Variants in SMG7 observed in about 807,000 individuals in gnomAD.
SMG7 encodes the protein SMG7 nonsense mediated mRNA decay factor.
Under a neutral mutation model 148.2 loss-of-function variants are expected in SMG7, and 34 were observed. The ratio of observed to expected loss-of-function variants is 0.23; its 90% CI spans 0.17 to 0.31. The LOEUF (loss-of-function observed/expected upper bound fraction) is 0.31, where lower values mean the gene tolerates loss of function less well. Among genes scored for constraint, SMG7 ranks in the 10% least tolerant of loss-of-function variants. SMG7 has a pLI of 1.00. For missense variants in SMG7, 1,114 were observed against 1,408.4 expected, an observed-to-expected ratio of 0.79 and a Z score of 3.35; for synonymous variants, 492 against 515.1, an observed-to-expected ratio of 0.96 and a Z score of 0.61.
intron 2 of SMG7, among the ~76,000 whole-genome samples, chr1:183,515,437 AG>A (rs1218493578): frequency 1.3e-5 from 2 of 152,184 alleles, no homozygotes; most frequent in African/African-American, 2.4e-5. Flanking sequence ...TCCCTTACAG[AG>A]ACAAAAAAGA....
chr1:183,545,341 C>T, intron 16 of SMG7, 29 bp downstream of exon 16: 1 of 1,586,596 alleles, frequency 6.3e-7, no homozygotes, highest in Non-Finnish European at 8.6e-7. Context: ...TACTATCCAG[C>T]TGAATGAAAT....
chr1:183,526,580 T>G lies in SMG7; in HGVS notation c.313-16T>G. ...ACTTGTGACTTACTACTAAATTTTG[T>G]TTGTTTTTCTTTTAGTTATTACAAG... On this transcript the variant is annotated splice_polypyrimidine_tract_variant and intron_variant, in intron 4 of 22. Coordinates refer to ENST00000688051, the MANE Select transcript of SMG7 (RefSeq NM_001375584.1). The G allele has an allele frequency of 6.3e-7, 1 of 1,577,666 alleles. No homozygotes were observed. Among genetic ancestry groups the G allele is most frequent in the South Asian group, 1.1e-5 (1 of 87,328 alleles).
At chr1:183,517,926 C>T in intron 4 of SMG7, 106 bp downstream of exon 4, 1 of 1,133,326 alleles carries the variant, frequency 8.8e-7, no homozygotes, top group East Asian at 2.4e-5. Flanking sequence ...ACTATGTGGG[C>T]CATCCAGGGA....
chr1:183,506,901 C>T (rs1441043926), intron 1 of SMG7, among the ~76,000 whole-genome samples: 5 of 121,780 alleles, frequency 4.1e-5, no homozygotes, highest in Admixed American at 1.0e-4. Flanking sequence ...TTTTTGGAGA[C>T]GGAGTCTCAC....
rs191655523 is a variant in SMG7 at position 183,490,382 on chromosome 1, G to T, written c.29+17733G>T. Among the ~76,000 whole-genome samples the T allele has an allele frequency of 9.9e-5, 15 of 152,098 alleles. No homozygotes were observed. The East Asian group carries it at 1.5e-3, about 16-fold the overall frequency. ...GGGCTTCAACAGACAATATAAAAGG[G>T]CATTTATTTTGTAGAAATTGTTTTA... On this transcript the variant is annotated intron_variant, in intron 1 of 22. Transcript: ENST00000688051.
chr1:183,533,130 A>T (rs754884263), intron 8 of SMG7, 34 bp from the exon 9 acceptor site: 6 of 1,587,816 alleles, frequency 3.8e-6, no homozygotes, highest in Non-Finnish European at 5.2e-6. Context: ...CCTGTTCTTG[A>T]TAATATATGC....
chr1:183,479,767 T>A (rs979844379), intron 1 of SMG7, among the ~76,000 whole-genome samples: 3 of 152,146 alleles, frequency 2.0e-5, no homozygotes, highest in Admixed American at 2.0e-4. Context: ...TATGTAAGTA[T>A]AGGCAAGAAG....
intron 1 of SMG7, among the ~76,000 whole-genome samples, chr1:183,509,955 T>C (rs10797886): frequency 0.35 from 53,294 of 151,984 alleles, 9,517 homozygotes; most frequent in East Asian, 0.52. Flanking sequence ...AAGCAGATTG[T>C]TTGTAAATTA....
chr1:183,473,827 A>G, intron 1 of SMG7: 1 of 985,412 alleles, frequency 1.0e-6, no homozygotes, highest in Non-Finnish European at 1.2e-6. Context: ...AAATGAGTGG[A>G]AAAGTCACTT....
At chr1:183,472,969 G>A (rs1033479753) in intron 1 of SMG7, 9 of 358,894 alleles carry the variant, frequency 2.5e-5, no homozygotes, top group African/African-American at 1.9e-4. Context: ...GTCCGGGGAG[G>A]CGGCGGCGAC....
rs1201059320 is a variant in SMG7, at chr1:183,553,058, A to G, written c.*1127A>G. On this transcript the variant is annotated 3_prime_UTR_variant, in exon 23 of 23. Transcript: ENST00000688051. The stretch of plus-strand genomic sequence containing the variant: ...AAGCAGCAGTATCTGCGTAGCCCAC[A>G]GAGGGCCCAGGCCCCTGCCCAGCTG... 4.6e-6 allele frequency: 7 copies of G among 1,536,270 alleles called. No homozygotes were observed. The highest frequency in any genetic ancestry group is 5.2e-6 in the Non-Finnish European group (6 of 1,146,948).
Position 183,552,619 on chromosome 1 carries a change from G to A in SMG7, c.*688G>A. ...GCCTTCCTCTGGCCAGGAGACTCCA[G>A]CAGGGAATGCCCTTCACTCTGTAGG... On this transcript the variant is annotated 3_prime_UTR_variant, in exon 23 of 23. Transcript: ENST00000688051. The A allele has an allele frequency of 9.6e-7, 1 of 1,044,862 alleles. No homozygotes were observed. The highest frequency in any genetic ancestry group is 1.2e-6 in the Non-Finnish European group (1 of 865,564). The allele number at this position is 1,044,862 out of a possible 1,614,324, so 64.7% of individuals were successfully genotyped here. A position where few individuals can be genotyped will look rare whatever the true frequency, so the allele number is the denominator to read the frequency against.
intron 22 of SMG7, 118 bp downstream of exon 22, chr1:183,551,308 A>G (rs1462025929): frequency 2.1e-6 from 2 of 941,372 alleles, no homozygotes; most frequent in Non-Finnish European, 1.5e-6. Flanking sequence ...CATAGCACAT[A>G]TATAACAAAG....
At chr1:183,515,809 G>A (rs1317331145) in intron 2 of SMG7, 65 bp from the exon 3 acceptor site, 22 of 927,788 alleles carry the variant, frequency 2.4e-5, no homozygotes, top group Middle Eastern at 4.3e-4. Context: ...TCACTGGTGT[G>A]GTATAATGGT....
intron 1 of SMG7, chr1:183,473,077 G>A (rs1651145510): frequency 4.9e-6 from 1 of 205,536 alleles, no homozygotes; most frequent in African/African-American, 2.3e-5. Context: ...TAGAGGACGG[G>A]GAGGAAGTCT....
intron 1 of SMG7, among the ~76,000 whole-genome samples, chr1:183,489,327 A>T (rs975643474): frequency 2.0e-5 from 3 of 152,062 alleles, no homozygotes; most frequent in African/African-American, 7.2e-5. Flanking sequence ...GGGCTGGGCA[A>T]GGGAGGACAA....
intron 8 of SMG7, among the ~76,000 whole-genome samples, chr1:183,531,224 A>G (rs1666796088): frequency 1.3e-5 from 2 of 152,142 alleles, no homozygotes; most frequent in Admixed American, 1.3e-4. Flanking sequence ...CAGTGTTTCT[A>G]ACAACCTTTA....
At chr1:183,484,891 C>T (rs1216874259) in intron 1 of SMG7, among the ~76,000 whole-genome samples, 2 of 152,062 alleles carry the variant, frequency 1.3e-5, no homozygotes, top group Non-Finnish European at 2.9e-5. Flanking sequence ...AGCTTCCATT[C>T]GCATGTAATC....
At chr1:183,481,995 G>T (rs1003314675) in intron 1 of SMG7, among the ~76,000 whole-genome samples, 1 of 152,036 alleles carries the variant, frequency 6.6e-6, no homozygotes, top group Non-Finnish European at 1.5e-5. Flanking sequence ...AATTTTAAAA[G>T]GATGAGCAGG....
Sources: allele counts gnomAD v4.1 joint callset (sites outside exome capture counted in the v4.1 genomes callset), GRCh38; gene constraint gnomAD v4.1.1; transcripts MANE v1.5; gene names NCBI Gene and HGNC (gene_info 2026-07-23, HGNC 2026-07-21).